Variants in CLSTN2 observed in about 807,000 individuals in gnomAD.
The protein encoded by CLSTN2 is calsyntenin-2.
A neutral mutation model predicts 101.2 loss-of-function variants in CLSTN2; 48 were observed. The observed-to-expected ratio is 0.47, with a 90% CI of 0.38 to 0.60. The LOEUF is 0.60. CLSTN2 is among the 20% of genes least tolerant of loss of function. CLSTN2 has a pLI of 0.00. For missense variants in CLSTN2, 1,160 were observed against 1,238.2 expected, an observed-to-expected ratio of 0.94 and a Z score of 0.95; for synonymous variants, 481 against 463.6, an observed-to-expected ratio of 1.04 and a Z score of -0.48.
At chr3:140,458,323 G>A (rs1559875448) in intron 6 of CLSTN2, among the ~76,000 whole-genome samples, 1 of 151,950 alleles carries the variant, frequency 6.6e-6, no homozygotes, top group Non-Finnish European at 1.5e-5. Context: ...ATGACTGACT[G>A]GTCAGTGCCA....
At chr3:140,477,312 G>A (rs919094888) in intron 8 of CLSTN2, among the ~76,000 whole-genome samples, 5 of 152,260 alleles carry the variant, frequency 3.3e-5, no homozygotes, top group African/African-American at 1.2e-4. Flanking sequence ...ACACTTAGAA[G>A]GAAGCAAGGT....
At chr3:140,186,123 TG>T (rs2010481981) in intron 2 of CLSTN2, among the ~76,000 whole-genome samples, 1 of 152,096 alleles carries the variant, frequency 6.6e-6, no homozygotes, top group African/African-American at 2.4e-5. Flanking sequence ...AAGAACGAAC[TG>T]GGAATTTAAA....
chr3:139,971,034 T>C (rs1935693310), intron 1 of CLSTN2, among the ~76,000 whole-genome samples: 1 of 152,232 alleles, frequency 6.6e-6, no homozygotes, highest in South Asian at 2.1e-4. Context: ...GGGAAGATTA[T>C]GGTTTAGAAT....
intron 5 of CLSTN2, among the ~76,000 whole-genome samples, chr3:140,447,453 T>C (rs1293841376): frequency 1.3e-5 from 2 of 152,258 alleles, no homozygotes; most frequent in Non-Finnish European, 2.9e-5. Context: ...GCTGTTATTA[T>C]ATCAGTCAAT....
intron 5 of CLSTN2, among the ~76,000 whole-genome samples, chr3:140,429,937 G>C (rs151279873): frequency 6.6e-6 from 1 of 152,258 alleles, no homozygotes; most frequent in Non-Finnish European, 1.5e-5. Flanking sequence ...TCCCTCTGCA[G>C]CTGTCACCTG....
At chr3:140,033,671 A>T (rs2007600874) in intron 1 of CLSTN2, among the ~76,000 whole-genome samples, 1 of 152,248 alleles carries the variant, frequency 6.6e-6, no homozygotes, top group Non-Finnish European at 1.5e-5. Context: ...AGAGACGCAG[A>T]ATATTCTTCA....
At chr3:140,321,794 C>T (rs777395782) in intron 2 of CLSTN2, among the ~76,000 whole-genome samples, 28 of 152,278 alleles carry the variant, frequency 1.8e-4, no homozygotes, top group Admixed American at 1.2e-3. Flanking sequence ...CTTGGGAATA[C>T]GCTTTTCCCC....
intron 2 of CLSTN2, among the ~76,000 whole-genome samples, chr3:140,249,705 A>C (rs375493085): frequency 1.3e-5 from 2 of 152,196 alleles, no homozygotes; most frequent in South Asian, 4.1e-4. Context: ...TAATATATGC[A>C]AGGCTATTTT....
chr3:140,179,714 C>T (rs1434907948), intron 2 of CLSTN2, among the ~76,000 whole-genome samples: 1 of 146,562 alleles, frequency 6.8e-6, no homozygotes, highest in African/African-American at 2.5e-5. Context: ...TGAAAATTTG[C>T]CATTTTATTA....
intron 10 of CLSTN2, among the ~76,000 whole-genome samples, chr3:140,547,901 C>A (rs984745788): frequency 2.6e-5 from 4 of 152,224 alleles, no homozygotes; most frequent in African/African-American, 9.6e-5. Flanking sequence ...CCCCATGAAG[C>A]CCCAGAAGCT....
chr3:140,223,049 C>T (rs1356639483), intron 2 of CLSTN2, among the ~76,000 whole-genome samples: 1 of 152,126 alleles, frequency 6.6e-6, no homozygotes, highest in East Asian at 1.9e-4. Context: ...AAGAATCAGA[C>T]CCAGACAATC....
intron 1 of CLSTN2, among the ~76,000 whole-genome samples, chr3:140,153,698 C>G (rs2009905288): frequency 6.6e-6 from 1 of 152,202 alleles, no homozygotes; most frequent in African/African-American, 2.4e-5. Context: ...CTCAAATTCT[C>G]TTTGCACAAT....
In CLSTN2 at chr3:140,419,759, G is replaced by A. The variant is rs1161113704; in HGVS notation, c.638-1366G>A. On this transcript the variant is annotated intron_variant, in intron 4 of 16. Transcript: ENST00000458420. The stretch of plus-strand genomic sequence containing the variant: ...TATATACGTATATATACACATATAC[G>A]TGTATACACGTGTATACACGTATAT... Among the ~76,000 whole-genome samples the A allele has an allele frequency of 4.8e-5, 3 of 62,198 alleles. 1 individual carries two copies. Among genetic ancestry groups the A allele is most frequent in the East Asian group, 1.3e-3 (2 of 1,588 alleles). The allele number at this position is 62,198 out of a possible 152,430, so 40.8% of individuals were successfully genotyped here. A position where few individuals can be genotyped will look rare whatever the true frequency, so the allele number is the denominator to read the frequency against.
At chr3:140,032,237 C>A in intron 1 of CLSTN2, among the ~76,000 whole-genome samples, 1 of 146,920 alleles carries the variant, frequency 6.8e-6, no homozygotes, top group East Asian at 1.9e-4. Flanking sequence ...TCACATGTAA[C>A]CTTTTTTTTT....
intron 1 of CLSTN2, among the ~76,000 whole-genome samples, chr3:140,171,839 AT>A (rs2010238813): frequency 1.2e-5 from 1 of 85,544 alleles, no homozygotes; most frequent in Non-Finnish European, 2.4e-5. Flanking sequence ...ATAACAATAT[AT>A]AATATAATAT....
intron 2 of CLSTN2, among the ~76,000 whole-genome samples, chr3:140,258,435 G>C (rs2086621785): frequency 6.6e-6 from 1 of 152,120 alleles, no homozygotes; most frequent in African/African-American, 2.4e-5. Flanking sequence ...TAATGGAAAA[G>C]GTCATTTCCA....
intron 8 of CLSTN2, chr3:140,507,320 ACT>A (rs961630235): frequency 6.6e-6 from 1 of 152,158 alleles, no homozygotes; most frequent in Non-Finnish European, 1.5e-5. Context: ...AATGTAACTA[ACT>A]CTCCTGAGAT....
At chr3:140,485,397 G>A (rs1934216494) in intron 8 of CLSTN2, among the ~76,000 whole-genome samples, 1 of 152,230 alleles carries the variant, frequency 6.6e-6, no homozygotes, top group South Asian at 2.1e-4. Flanking sequence ...AGGCTACTTG[G>A]GGCTCAGGGA....
At chr3:140,474,773 G>C (rs1933940672) in intron 8 of CLSTN2, among the ~76,000 whole-genome samples, 1 of 152,080 alleles carries the variant, frequency 6.6e-6, no homozygotes, top group Non-Finnish European at 1.5e-5. Context: ...TTTCTCCTCA[G>C]GGCCTTTTCC....
Sources: allele counts gnomAD v4.1 joint callset (sites outside exome capture counted in the v4.1 genomes callset), GRCh38; gene constraint gnomAD v4.1.1; transcripts MANE v1.5; gene names NCBI Gene and HGNC (gene_info 2026-07-23, HGNC 2026-07-21).